ELAVL2: variants seen among roughly 807,000 people sequenced by gnomAD.
ELAVL2 encodes the protein ELAV-like protein 2.
ELAVL2 carries 4 observed loss-of-function variants against 34.6 expected under a neutral mutation model. The observed-to-expected ratio is 0.12, with a 90% CI of 0.06 to 0.26. ELAVL2 has a LOEUF of 0.26. Among genes scored for constraint, ELAVL2 ranks in the 10% least tolerant of loss-of-function variants. The pLI is 1.00. For synonymous variants in ELAVL2, 193 were observed against 154.8 expected, an observed-to-expected ratio of 1.25 and a Z score of -1.83; for missense variants, 432 against 442.8, an observed-to-expected ratio of 0.98 and a Z score of 0.22.
intron 3 of ELAVL2, among the ~76,000 whole-genome samples, chr9:23,723,654 C>G (rs1167212077): frequency 6.6e-6 from 1 of 152,030 alleles, no homozygotes; most frequent in African/African-American, 2.4e-5. Flanking sequence ...AAATCAAACT[C>G]AAACACATTT....
At chr9:23,704,634 C>T (rs539122618) in intron 4 of ELAVL2, among the ~76,000 whole-genome samples, 2 of 152,270 alleles carry the variant, frequency 1.3e-5, no homozygotes, top group South Asian at 4.2e-4. Context: ...CACACAGTGG[C>T]TTGGAAATGA....
chr9:23,810,728 A>C (rs1372811546), intron 1 of ELAVL2, among the ~76,000 whole-genome samples: 1 of 152,162 alleles, frequency 6.6e-6, no homozygotes, highest in Non-Finnish European at 1.5e-5. Context: ...ATCCTTGGGC[A>C]AACCACCTGA....
chr9:23,786,700 A>C (rs1484295628), intron 1 of ELAVL2, among the ~76,000 whole-genome samples: 1 of 151,282 alleles, frequency 6.6e-6, no homozygotes, highest in African/African-American at 2.4e-5. Flanking sequence ...GGAGCCTGTT[A>C]AGACAGAAAA....
chr9:23,765,043 C>T (rs1282060972), intron 1 of ELAVL2: 1 of 1,609,692 alleles, frequency 6.2e-7, no homozygotes, highest in African/African-American at 1.3e-5. Flanking sequence ...CGAACCACTT[C>T]TAAGCAGAGA....
chr9:23,701,322 A>C (rs1468862769), intron 5 of ELAVL2, 57 bp downstream of exon 5: 2 of 1,578,738 alleles, frequency 1.3e-6, no homozygotes, highest in East Asian at 4.5e-5. Context: ...CTGGACAGTA[A>C]ACCTGAGTAT....
At chr9:23,779,265 A>AC in intron 1 of ELAVL2, 1 of 985,402 alleles carries the variant, frequency 1.0e-6, no homozygotes, top group South Asian at 4.7e-5. Flanking sequence ...CTTTTGGTTT[A>AC]CCCCAGTAGA....
At chr9:23,796,262 A>T (rs1488584067) in intron 1 of ELAVL2, among the ~76,000 whole-genome samples, 2 of 152,212 alleles carry the variant, frequency 1.3e-5, no homozygotes, top group Non-Finnish European at 2.9e-5. Context: ...TTATTTACAA[A>T]TGTGGAAGCT....
intron 3 of ELAVL2, among the ~76,000 whole-genome samples, chr9:23,721,379 G>A (rs1587694947): frequency 6.6e-6 from 1 of 152,194 alleles, no homozygotes; most frequent in Non-Finnish European, 1.5e-5. Context: ...TTTCTAGATA[G>A]ACATTTAACA....
At chr9:23,699,819 T>G (rs1001850661) in intron 5 of ELAVL2, among the ~76,000 whole-genome samples, 3 of 34,366 alleles carry the variant, frequency 8.7e-5, no homozygotes, top group Non-Finnish European at 1.6e-4. Flanking sequence ...AAGGTTTTTT[T>G]TTTTTTTTTT....
At chr9:23,765,168 A>C in intron 1 of ELAVL2, 4 of 1,407,492 alleles carry the variant, frequency 2.8e-6, no homozygotes, top group Middle Eastern at 3.6e-4. Flanking sequence ...AGTTTGTACA[A>C]AATTTACAGT....
rs573222425 is a variant in ELAVL2, at chr9:23,797,122, C to T, written c.-16+28684G>A. On this transcript the variant is annotated intron_variant, in intron 1 of 6. Transcript: ENST00000397312. ...ATAGCTACCATCTGCCCAGCTGAGTCCTGAGCAGCTAACAACAGGATTTGA... is the reference window on the plus strand; with the variant it reads ...ATAGCTACCATCTGCCCAGCTGAGTTCTGAGCAGCTAACAACAGGATTTGA... Among the ~76,000 whole-genome samples the T allele has an allele frequency of 1.1e-4, 17 of 152,240 alleles. No individual in the cohort carries two copies. In the South Asian group the frequency reaches 2.5e-3, roughly 22 times the overall value.
intron 1 of ELAVL2, among the ~76,000 whole-genome samples, chr9:23,770,099 A>G (rs1002817086): frequency 5.9e-5 from 9 of 152,250 alleles, no homozygotes; most frequent in Non-Finnish European, 8.8e-5. Context: ...GTCCTGAGGT[A>G]CAGCAATGAA....
chr9:23,780,302 CAG>C (rs1288123667), intron 1 of ELAVL2, among the ~76,000 whole-genome samples: 9 of 152,098 alleles, frequency 5.9e-5, no homozygotes, highest in African/African-American at 2.2e-4. Flanking sequence ...ATTTTCTAAA[CAG>C]AATGTGAAGC....
At chr9:23,810,575 G>A (rs939397703) in intron 1 of ELAVL2, among the ~76,000 whole-genome samples, 1 of 152,082 alleles carries the variant, frequency 6.6e-6, no homozygotes, top group African/African-American at 2.4e-5. Flanking sequence ...CATGAAAACT[G>A]AGTTGCTTCT....
chr9:23,744,645 G>C lies in ELAVL2; in HGVS notation c.230-13520C>G, dbSNP rs1211526555. Among the ~76,000 whole-genome samples the C allele has an allele frequency of 2.6e-5, 4 of 151,822 alleles. No individual in the cohort carries two copies. In the East Asian group the frequency reaches 7.7e-4, roughly 29 times the overall value. On this transcript the variant is annotated intron_variant, in intron 2 of 6. Coordinates refer to ENST00000397312, the MANE Select transcript of ELAVL2 (RefSeq NM_004432.5). ...TATAAACTTTATTTTTCTCAAGCAA[G>C]AGTACTTTCTAGCAAGAAAACATAT...
chr9:23,765,205 C>T (rs1272166761), intron 1 of ELAVL2: 1 of 977,690 alleles, frequency 1.0e-6, no homozygotes, highest in Non-Finnish European at 1.5e-6. Context: ...CCAGCACGTC[C>T]ATGCAGTGTG....
chr9:23,783,565 A>G (rs989862332), intron 1 of ELAVL2: 1 of 889,974 alleles, frequency 1.1e-6, no homozygotes, highest in African/African-American at 1.8e-5. Context: ...AAAAGGACAC[A>G]GAAGAAAACA....
intron 1 of ELAVL2, among the ~76,000 whole-genome samples, chr9:23,766,625 G>T (rs550793735): frequency 4.2e-4 from 64 of 152,234 alleles, no homozygotes; most frequent in African/African-American, 1.5e-3. Context: ...TAGATAGGAA[G>T]GCTGTGTATG....
Position 23,703,430 on chromosome 9 carries a change from C to T in ELAVL2, c.487+1488G>A, listed in dbSNP as rs566017057. 2.4e-4 allele frequency among the ~76,000 whole-genome samples: 36 copies of T among 152,274 alleles called. No individual in the cohort carries two copies. The South Asian group carries it at 7.3e-3, about 31-fold the overall frequency. ...TATAAGTATTATGAATTAACTAACA[C>T]AATTAAGGAGGCTGTATTTTATATA... On this transcript the variant is annotated intron_variant, in intron 4 of 6. Transcript: ENST00000397312.
Sources: gnomAD v4.1 joint callset for allele counts (sites outside exome capture counted in the v4.1 genomes callset) on GRCh38, gnomAD v4.1.1 for gene constraint, MANE v1.5 for transcripts, NCBI Gene and HGNC (gene_info 2026-07-23, HGNC 2026-07-21) for gene names.